The following ANKH variants were observed in gnomAD, a reference collection of about 807,000 sequenced individuals.
The protein encoded by ANKH is mineralization regulator ANKH.
ANKH carries 15 observed loss-of-function variants against 49.0 expected under a neutral mutation model. The ratio of observed to expected loss-of-function variants is 0.31; its 90% confidence interval spans 0.20 to 0.47. ANKH has a LOEUF of 0.47. Ranked by LOEUF, ANKH falls within the 20% of genes least tolerant of loss-of-function variation. ANKH has a pLI of 1.00. For missense variants in ANKH, 429 were observed against 652.0 expected, an observed-to-expected ratio of 0.66 and a Z score of 3.72; for synonymous variants, 273 against 260.0, an observed-to-expected ratio of 1.05 and a Z score of -0.48.
intron 8 of ANKH, among the ~76,000 whole-genome samples, chr5:14,730,504 G>A (rs1022067483): frequency 1.3e-5 from 2 of 152,132 alleles, no homozygotes; most frequent in Non-Finnish European, 2.9e-5. Flanking sequence ...GGCATCTGAA[G>A]GCCTCATGGT....
intron 1 of ANKH, among the ~76,000 whole-genome samples, chr5:14,865,535 T>C (rs1735620202): frequency 6.6e-6 from 1 of 152,200 alleles, no homozygotes; most frequent in South Asian, 2.1e-4. Context: ...ATTTCTTTCT[T>C]TAAGCACTTT....
chr5:14,769,676 G>T (rs1739373277), intron 1 of ANKH, among the ~76,000 whole-genome samples: 1 of 151,758 alleles, frequency 6.6e-6, no homozygotes, highest in Non-Finnish European at 1.5e-5. Context: ...TAAATACTGT[G>T]TATGTGTTAT....
At chr5:14,790,273 C>T (rs1330838774) in intron 1 of ANKH, among the ~76,000 whole-genome samples, 1 of 152,188 alleles carries the variant, frequency 6.6e-6, no homozygotes, top group African/African-American at 2.4e-5. Flanking sequence ...ACTATATCAC[C>T]TAATTTTTAA....
At chr5:14,825,880 A>G (rs1177404852) in intron 1 of ANKH, 2 of 152,398 alleles carry the variant, frequency 1.3e-5, no homozygotes, top group African/African-American at 4.8e-5. Flanking sequence ...TACCAGTGAC[A>G]TCATGTTATG....
intron 1 of ANKH, among the ~76,000 whole-genome samples, chr5:14,845,226 G>A (rs1741922817): frequency 6.6e-6 from 1 of 152,018 alleles, no homozygotes; most frequent in African/African-American, 2.4e-5. Flanking sequence ...TATGTTAAGA[G>A]TCTAGCTTGG....
intron 1 of ANKH, among the ~76,000 whole-genome samples, chr5:14,794,134 G>T (rs1740296700): frequency 6.6e-6 from 1 of 152,250 alleles, no homozygotes; most frequent in South Asian, 2.1e-4. Flanking sequence ...TCTCCAGGAA[G>T]TCCTAACAGC....
intron 1 of ANKH, among the ~76,000 whole-genome samples, chr5:14,814,612 T>C (rs1740978315): frequency 6.6e-6 from 1 of 152,164 alleles, no homozygotes; most frequent in Non-Finnish European, 1.5e-5. Context: ...TCTCAAAAAA[T>C]TAAAATTAAA....
chr5:14,850,568 C>T (rs1411095457), intron 1 of ANKH, among the ~76,000 whole-genome samples: 2 of 152,238 alleles, frequency 1.3e-5, no homozygotes, highest in Non-Finnish European at 2.9e-5. Context: ...AGCCCCCCTC[C>T]GGGGTTCACG....
At chr5:14,803,758 A>G (rs1333767124) in intron 1 of ANKH, among the ~76,000 whole-genome samples, 1 of 152,202 alleles carries the variant, frequency 6.6e-6, no homozygotes, top group Non-Finnish European at 1.5e-5. Flanking sequence ...AGCTCCTCAC[A>G]TGACATCTCT....
intron 1 of ANKH, among the ~76,000 whole-genome samples, chr5:14,785,198 G>A (rs1211389018): frequency 6.6e-6 from 1 of 152,130 alleles, no homozygotes; most frequent in Non-Finnish European, 1.5e-5. Context: ...AATATCCATA[G>A]GTACAAGTAC....
At chr5:14,812,277 T>C (rs1377969217) in intron 1 of ANKH, among the ~76,000 whole-genome samples, 2 of 151,502 alleles carry the variant, frequency 1.3e-5, no homozygotes, top group African/African-American at 2.4e-5. Context: ...GTAAATTGAG[T>C]AGTCAAGTTT....
chr5:14,757,430 A>ATATATATAT (rs1379233165), intron 3 of ANKH, among the ~76,000 whole-genome samples: 4 of 113,818 alleles, frequency 3.5e-5, no homozygotes, highest in Admixed American at 1.1e-4. Context: ...ATATATATAT[A>ATATATATAT]TTTTTTTTTT....
At chr5:14,719,019 AAG>A (rs140617107) in intron 8 of ANKH, among the ~76,000 whole-genome samples, 240 of 152,284 alleles carry the variant, frequency 1.6e-3, no homozygotes, top group East Asian at 8.5e-3. Context: ...GAGTTCTGGA[AAG>A]AGGGGACAGC....
At chr5:14,825,699 AT>A (rs1741318855) in intron 1 of ANKH, among the ~76,000 whole-genome samples, 1 of 152,178 alleles carries the variant, frequency 6.6e-6, no homozygotes, top group African/African-American at 2.4e-5. Flanking sequence ...GGAACCTGAA[AT>A]CTATCGAATT....
intron 1 of ANKH, among the ~76,000 whole-genome samples, chr5:14,796,385 T>C (rs1346945798): frequency 6.6e-6 from 1 of 151,074 alleles, no homozygotes; most frequent in African/African-American, 2.4e-5. Context: ...TCTTCTCAAC[T>C]TGACAATCTA....
At chr5:14,760,554 T>G (rs1450086030) in intron 2 of ANKH, among the ~76,000 whole-genome samples, 1 of 152,220 alleles carries the variant, frequency 6.6e-6, no homozygotes, top group Non-Finnish European at 1.5e-5. Context: ...TATTTGCACA[T>G]GTGTTTTCAT....
At chr5:14,805,538 C>G (rs577014130) in intron 1 of ANKH, among the ~76,000 whole-genome samples, 1 of 150,202 alleles carries the variant, frequency 6.7e-6, no homozygotes, top group African/African-American at 2.5e-5. Context: ...ATATATATAT[C>G]TCTCCTATCA....
intron 1 of ANKH, among the ~76,000 whole-genome samples, chr5:14,776,402 TA>T (rs1739622657): frequency 6.6e-6 from 1 of 152,124 alleles, no homozygotes; most frequent in African/African-American, 2.4e-5. Flanking sequence ...GTCATTGGCC[TA>T]CAGATAGAAT....
At chr5:14,815,883 C>T (rs539606299) in intron 1 of ANKH, among the ~76,000 whole-genome samples, 3 of 152,260 alleles carry the variant, frequency 2.0e-5, no homozygotes, top group Admixed American at 6.5e-5. Context: ...AGGCACAGAT[C>T]GAGGGCGCTG....
Sources: gnomAD v4.1 joint callset for allele counts (sites outside exome capture counted in the v4.1 genomes callset) on GRCh38, gnomAD v4.1.1 for gene constraint, MANE v1.5 for transcripts, NCBI Gene and HGNC (gene_info 2026-07-23, HGNC 2026-07-21) for gene names.